The following DNAH5 variants were observed in gnomAD, a reference collection of about 807,000 sequenced individuals.
DNAH5 encodes the protein dynein axonemal heavy chain 5.
DNAH5 carries 372 observed loss-of-function variants against 518.2 expected under a neutral mutation model. The ratio of observed to expected loss-of-function variants is 0.72; its 90% confidence interval spans 0.66 to 0.78. DNAH5 has a LOEUF of 0.78. Among genes scored for constraint, DNAH5 ranks in the 30% least tolerant of loss-of-function variants. DNAH5 has a pLI of 0.00. For missense variants in DNAH5, 5,523 were observed against 5,687.0 expected, an observed-to-expected ratio of 0.97 and a Z score of 0.93; for synonymous variants, 2,039 against 2,025.9, an observed-to-expected ratio of 1.01 and a Z score of -0.17.
At chr5:13,829,190 A>T (rs1238593389) in intron 38 of DNAH5, among the ~76,000 whole-genome samples, 1 of 152,216 alleles carries the variant, frequency 6.6e-6, no homozygotes, top group Non-Finnish European at 1.5e-5. Flanking sequence ...GTTCCTACAA[A>T]TCATGAAAAT....
At position 13,994,459 on chromosome 5, in the gene DNAH5, A is replaced by G. The variant is rs146098363; in HGVS notation, c.12+17189T>C. Reference sequence around the variant, plus strand: ...ACTGTAAGCAACTTACAGTCTTACCATGCAAAATAACCTGACCATGAAGAA... The same window carrying G: ...ACTGTAAGCAACTTACAGTCTTACCGTGCAAAATAACCTGACCATGAAGAA... On this transcript the variant is annotated intron_variant, in intron 1 of 78. Coordinates refer to the DNAH5 transcript ENST00000681290. Among the ~76,000 whole-genome samples the G allele has an allele frequency of 2.9e-3, 443 of 152,320 alleles. 4 individuals carry two copies. The highest frequency in any genetic ancestry group is 9.9e-3 in the African/African-American group (411 of 41,572).
intron 68 of DNAH5, among the ~76,000 whole-genome samples, chr5:13,731,402 G>A (rs1746527559): frequency 6.6e-6 from 1 of 152,184 alleles, no homozygotes; most frequent in Admixed American, 6.5e-5. Flanking sequence ...AGAAAGGAAA[G>A]AGTGTTCCTC....
intron 60 of DNAH5, among the ~76,000 whole-genome samples, chr5:13,759,358 C>T (rs1190353068): frequency 1.3e-5 from 2 of 152,182 alleles, no homozygotes; most frequent in Non-Finnish European, 2.9e-5. Flanking sequence ...CTAGATTTGG[C>T]CCACAGGCCA....
At chr5:13,935,693 G>T (rs1017671176) in intron 1 of DNAH5, among the ~76,000 whole-genome samples, 12 of 152,092 alleles carry the variant, frequency 7.9e-5, no homozygotes, top group African/African-American at 2.9e-4. Flanking sequence ...CAAATATTTA[G>T]CAATTAGAAC....
chr5:13,944,537 T>C lies in DNAH5; in HGVS notation c.-99A>G. 1.0e-6 allele frequency: 1 copy of C among 995,608 alleles called. No individual in the cohort carries two copies. Among genetic ancestry groups the C allele is most frequent in the South Asian group, 1.3e-5 (1 of 75,452 alleles). The allele number at this position is 995,608 out of a possible 1,614,324, so 61.7% of individuals were successfully genotyped here. A position where few individuals can be genotyped will look rare whatever the true frequency, so the allele number is the denominator to read the frequency against. On this transcript the variant is annotated 5_prime_UTR_variant, in exon 1 of 79. Transcript: ENST00000265104. ...ATCCAACAGGCTTCCAAATGGAAAGTTTTACTTCCATTTTACTTTCACGTT... is the reference window on the plus strand; with the variant it reads ...ATCCAACAGGCTTCCAAATGGAAAGCTTTACTTCCATTTTACTTTCACGTT...
intron 38 of DNAH5, among the ~76,000 whole-genome samples, chr5:13,828,446 TC>T (rs748845155): frequency 7.9e-5 from 12 of 152,220 alleles, no homozygotes; most frequent in Non-Finnish European, 1.8e-4. Flanking sequence ...GATGCCCACC[TC>T]CTGGTGGTCA....
At chr5:13,983,715 T>C (rs16902989) in intron 1 of DNAH5, among the ~76,000 whole-genome samples, 4,722 of 152,244 alleles carry the variant, frequency 0.031, 234 homozygotes, top group African/African-American at 0.11. Flanking sequence ...CATGACCAAA[T>C]TCTGGATGAC....
At chr5:13,799,858 G>A (rs1227081468) in intron 47 of DNAH5, among the ~76,000 whole-genome samples, 1 of 152,116 alleles carries the variant, frequency 6.6e-6, no homozygotes, top group Non-Finnish European at 1.5e-5. Context: ...TAACCAGGAA[G>A]TAGTTATATA....
intron 1 of DNAH5, among the ~76,000 whole-genome samples, chr5:13,996,630 A>G (rs1474003334): frequency 6.6e-6 from 1 of 152,260 alleles, no homozygotes; most frequent in Non-Finnish European, 1.5e-5. Context: ...CAGGGCAAAC[A>G]ACATTAAACC....
chr5:13,993,085 A>T (rs1436953703), intron 1 of DNAH5, among the ~76,000 whole-genome samples: 2 of 152,258 alleles, frequency 1.3e-5, no homozygotes, highest in Admixed American at 6.5e-5. Flanking sequence ...ATAGACACAG[A>T]GCATGATTAA....
At chr5:13,978,659 G>T (rs1782452724) in intron 1 of DNAH5, among the ~76,000 whole-genome samples, 1 of 152,106 alleles carries the variant, frequency 6.6e-6, no homozygotes. Context: ...TGTTACAGCT[G>T]CCCACAGTAC....
chr5:13,946,280 T>C (rs968158256), upstream of DNAH5, among the ~76,000 whole-genome samples: 1 of 152,220 alleles, frequency 6.6e-6, no homozygotes, highest in Non-Finnish European at 1.5e-5. Context: ...AGATGGCTGA[T>C]GGCATGCATT....
At chr5:14,011,805 G>A (rs948430957) in exon 1 of DNAH5, among the ~76,000 whole-genome samples, 2 of 152,192 alleles carry the variant, frequency 1.3e-5, no homozygotes, top group Non-Finnish European at 2.9e-5. Flanking sequence ...TGCTCCTGCC[G>A]TTGCCATGGC....
At position 13,985,430 on chromosome 5, in the gene DNAH5, AATATATATATATATATATAT is replaced by A. The variant is rs145568740; in HGVS notation, c.12+26198_12+26217del. Among the ~76,000 whole-genome samples the A allele has an allele frequency of 6.2e-3, 793 of 127,330 alleles. 18 individuals carry two copies. Among genetic ancestry groups the A allele is most frequent in the African/African-American group, 0.022 (756 of 34,988 alleles). The allele number at this position is 127,330 out of a possible 152,430, so 83.5% of individuals were successfully genotyped here. The stretch of plus-strand genomic sequence containing the variant: ...TACCCTAGAACTTAAAGTATAATAA[AATATATATATATATATATAT>A]ATATATATATATATATAAAGCAAAG... On this transcript the variant is annotated intron_variant, in intron 1 of 78. Coordinates refer to the DNAH5 transcript ENST00000681290.
intron 68 of DNAH5, among the ~76,000 whole-genome samples, chr5:13,734,837 C>A (rs1376801007): frequency 6.6e-6 from 1 of 152,188 alleles, no homozygotes; most frequent in East Asian, 1.9e-4. Flanking sequence ...TTCCCACTCA[C>A]TATAAAATTC....
chr5:13,976,931 T>C (rs986503746), intron 1 of DNAH5, among the ~76,000 whole-genome samples: 1 of 152,224 alleles, frequency 6.6e-6, no homozygotes, highest in Non-Finnish European at 1.5e-5. Context: ...TCTGGTTATA[T>C]AAAACTTCCA....
chr5:13,844,165 A>C (rs895316), intron 32 of DNAH5, among the ~76,000 whole-genome samples: 60,973 of 152,154 alleles, frequency 0.4, 12,620 homozygotes, highest in East Asian at 0.61. Context: ...CCCAGTGTTA[A>C]GCATGACATC....
At chr5:13,694,233 G>A (rs1379654317) in intron 78 of DNAH5, among the ~76,000 whole-genome samples, 1 of 152,078 alleles carries the variant, frequency 6.6e-6, no homozygotes, top group African/African-American at 2.4e-5. Context: ...CAATAAGCAG[G>A]TAAAAATAAT....
chr5:13,758,540 T>C (rs1368951049), intron 61 of DNAH5, among the ~76,000 whole-genome samples: 3 of 152,142 alleles, frequency 2.0e-5, no homozygotes, highest in African/African-American at 7.2e-5. Flanking sequence ...CCTTGCAAGT[T>C]ACTTCAAAGA....
Sources: gnomAD v4.1 joint callset for allele counts (sites outside exome capture counted in the v4.1 genomes callset) on GRCh38, gnomAD v4.1.1 for gene constraint, MANE v1.5 for transcripts, NCBI Gene and HGNC (gene_info 2026-07-23, HGNC 2026-07-21) for gene names.